FGF13: variants seen among roughly 807,000 people sequenced by gnomAD.
The protein encoded by FGF13 is fibroblast growth factor homologous factor 2.
In FGF13, 2 loss-of-function variants were observed where a neutral mutation model predicts 19.5. The ratio of observed to expected loss-of-function variants is 0.10; its 90% confidence interval spans 0.04 to 0.32. The LOEUF (loss-of-function observed/expected upper bound fraction) is 0.32. Among genes scored for constraint, FGF13 ranks in the 10% least tolerant of loss-of-function variants. FGF13 has a pLI of 1.00. For synonymous variants in FGF13, 72 were observed against 76.9 expected, an observed-to-expected ratio of 0.94 and a Z score of 0.33; for missense variants, 113 against 192.7, an observed-to-expected ratio of 0.59 and a Z score of 2.45.
intron 1 of FGF13, among the ~76,000 whole-genome samples, chrX:139,048,898 C>T (rs1472815106): frequency 1.8e-5 from 2 of 110,939 alleles, no homozygotes; most frequent in African/African-American, 6.6e-5. Flanking sequence ...AAACTAATTT[C>T]TTTTCCATGG....
chrX:139,038,456 T>A (rs2092257583), intron 1 of FGF13, among the ~76,000 whole-genome samples: 1 of 111,398 alleles, frequency 9.0e-6, no homozygotes. Context: ...CTGCCCTCAC[T>A]CCCTTGACTC....
intron 3 of FGF13, among the ~76,000 whole-genome samples, chrX:138,772,866 T>C (rs1314194878): frequency 9.1e-6 from 1 of 110,436 alleles, no homozygotes; most frequent in Non-Finnish European, 1.9e-5. Context: ...TAGCTCCTGA[T>C]AGCAATCTGG....
rs768743121 is a variant in FGF13, at chrX:138,629,419, A to G, written c.*3431T>C. Reference sequence around the variant, plus strand: ...AAATCTCATTTAGAGTTGTAATCCCAATGTGTTGAGGGAGGGACCTGGTGG... The same window carrying G: ...AAATCTCATTTAGAGTTGTAATCCCGATGTGTTGAGGGAGGGACCTGGTGG... On this transcript the variant is annotated 3_prime_UTR_variant, in exon 5 of 5. Coordinates refer to ENST00000315930, the MANE Select transcript of FGF13 (RefSeq NM_004114.5). 2 of 111,612 alleles carry G rather than the reference A, an allele frequency of 1.8e-5. No individual in the cohort carries two copies. The highest frequency in any genetic ancestry group is 3.8e-5 in the Non-Finnish European group (2 of 53,140). The allele number at this position is 111,612 out of a possible 1,213,427, so 9.2% of individuals were successfully genotyped here. A position where few individuals can be genotyped will look rare whatever the true frequency, so the allele number is the denominator to read the frequency against.
At chrX:139,140,225 A>G (rs1478340053) in intron 1 of FGF13, among the ~76,000 whole-genome samples, 1 of 111,324 alleles carries the variant, frequency 9.0e-6, no homozygotes, top group Non-Finnish European at 1.9e-5. Flanking sequence ...AATCAAACCC[A>G]GTTCAAAGTG....
In FGF13 at chrX:138,632,694, A is replaced by G. The variant is rs950656417; in HGVS notation, c.*156T>C. Reference sequence around the variant, plus strand: ...ATAATGGGGCTTTAGTATGGATGATAAGAAGGTCTAATGGCAGATAGAATA... The same window carrying G: ...ATAATGGGGCTTTAGTATGGATGATGAGAAGGTCTAATGGCAGATAGAATA... On this transcript the variant is annotated 3_prime_UTR_variant, in exon 5 of 5. Coordinates refer to ENST00000315930, the MANE Select transcript of FGF13 (RefSeq NM_004114.5). 8.5e-5 allele frequency: 44 copies of G among 517,825 alleles called. No individual in the cohort carries two copies. The highest frequency in any genetic ancestry group is 1.2e-4 in the Non-Finnish European group (40 of 324,465). The allele number at this position is 517,825 out of a possible 1,213,427, so 42.7% of individuals were successfully genotyped here.
In FGF13 at chrX:138,630,680, T is replaced by TG. The variant is rs1338416955; in HGVS notation, c.*2169dup. On this transcript the variant is annotated 3_prime_UTR_variant, in exon 5 of 5. Coordinates refer to ENST00000315930, the MANE Select transcript of FGF13 (RefSeq NM_004114.5). ...CCCCTCCTTGCAAAAGCAGGCTGTT[T>TG]GGGGCCCCAGTAATTTTATTTGCAG... is the stretch of plus-strand genomic sequence containing the variant. 1 of 111,497 alleles carries TG rather than the reference T, an allele frequency of 9.0e-6. No individual in the cohort carries two copies. Among genetic ancestry groups the TG allele is most frequent in the Non-Finnish European group, 1.9e-5 (1 of 53,116 alleles). The allele number at this position is 111,497 out of a possible 1,213,427, so 9.2% of individuals were successfully genotyped here. A position where few individuals can be genotyped will look rare whatever the true frequency, so the allele number is the denominator to read the frequency against.
chrX:139,135,393 T>A (rs776446147), intron 1 of FGF13, among the ~76,000 whole-genome samples: 2 of 112,413 alleles, frequency 1.8e-5, no homozygotes, highest in Non-Finnish European at 3.8e-5. Context: ...CCACAGAAAG[T>A]GAAATGCTGC....
At chrX:138,754,412 C>T (rs1177642809) in intron 3 of FGF13, among the ~76,000 whole-genome samples, 1 of 111,442 alleles carries the variant, frequency 9.0e-6, no homozygotes, top group East Asian at 2.9e-4. Flanking sequence ...CCCTCACCTT[C>T]TCTTGGGCAT....
At chrX:138,981,765 C>G (rs999735045) in intron 1 of FGF13, among the ~76,000 whole-genome samples, 8 of 111,149 alleles carry the variant, frequency 7.2e-5, no homozygotes, top group Non-Finnish European at 1.1e-4. Context: ...TGCCATGAAG[C>G]CCTTCTCATA....
intron 3 of FGF13, among the ~76,000 whole-genome samples, chrX:138,747,678 G>A (rs1369588132): frequency 9.0e-6 from 1 of 111,695 alleles, no homozygotes; most frequent in African/African-American, 3.3e-5. Context: ...AGGACTGACA[G>A]AATCACTCAG....
At chrX:139,168,076 G>T (rs1480132001) in intron 1 of FGF13, among the ~76,000 whole-genome samples, 1 of 111,858 alleles carries the variant, frequency 8.9e-6, no homozygotes, top group Non-Finnish European at 1.9e-5. Context: ...ATAGATGCAT[G>T]CTATTTCATT....
At chrX:138,741,160 C>A (rs1180360662), upstream of FGF13, among the ~76,000 whole-genome samples, 1 of 112,427 alleles carries the variant, frequency 8.9e-6, no homozygotes, top group East Asian at 2.8e-4. Flanking sequence ...TGGAGGCAGT[C>A]TCTCTTGGCC....
intron 3 of FGF13, among the ~76,000 whole-genome samples, chrX:138,849,027 C>T (rs757519145): frequency 2.7e-5 from 3 of 111,445 alleles, no homozygotes; most frequent in Non-Finnish European, 5.7e-5. Context: ...CTTTCTCTAA[C>T]GATAGTAGGT....
At chrX:138,760,233 A>G (rs1205104393) in intron 3 of FGF13, among the ~76,000 whole-genome samples, 1 of 112,154 alleles carries the variant, frequency 8.9e-6, no homozygotes, top group African/African-American at 3.2e-5. Flanking sequence ...AATTCTTTGC[A>G]GTCATCCTAA....
chrX:139,027,457 CTGAGTA>C (rs1395024272), intron 1 of FGF13, among the ~76,000 whole-genome samples: 4 of 112,020 alleles, frequency 3.6e-5, no homozygotes, highest in Admixed American at 9.5e-5. Context: ...ATTTTCTTTC[CTGAGTA>C]TAAGGACTCA....
Position 138,784,033 on chromosome X carries a change from G to A in FGF13, c.217+73479C>T, listed in dbSNP as rs1286736822. On this transcript the variant is annotated intron_variant, in intron 3 of 6. Transcript: ENST00000436198. ...CTTTGTAGGGACATGGATGAAATTG[G>A]AAATCATCATTCTCAGTAAACTATC... Among the ~76,000 whole-genome samples, 24 of 98,976 alleles carry A rather than the reference G, an allele frequency of 2.4e-4. No homozygotes were observed. In the East Asian group the frequency reaches 7.1e-3, roughly 29 times the overall value. The allele number at this position is 98,976 out of a possible 115,157, so 85.9% of individuals were successfully genotyped here. A position where few individuals can be genotyped will look rare whatever the true frequency, so the allele number is the denominator to read the frequency against.
chrX:139,074,143 A>G (rs1218664178), intron 1 of FGF13, among the ~76,000 whole-genome samples: 1 of 112,124 alleles, frequency 8.9e-6, no homozygotes, highest in Non-Finnish European at 1.9e-5. Flanking sequence ...GAGAGGAATA[A>G]CATGTGTGGT....
At chrX:139,144,938 T>C (rs1303264114) in intron 1 of FGF13, among the ~76,000 whole-genome samples, 5 of 112,054 alleles carry the variant, frequency 4.5e-5, no homozygotes, top group Admixed American at 9.5e-5. Flanking sequence ...CATGTTCATA[T>C]AAATAATATA....
At position 138,628,155 on chromosome X, in the gene FGF13, A is replaced by G. The variant is rs1396387283; in HGVS notation, c.*4695T>C. On this transcript the variant is annotated 3_prime_UTR_variant, in exon 5 of 5. Coordinates refer to ENST00000315930, the MANE Select transcript of FGF13 (RefSeq NM_004114.5). The stretch of plus-strand genomic sequence containing the variant: ...TGGAGATAAAGAGCAGTCCAGAATT[A>G]GAGACATGTTCTTTTCAGTATACTA... The G allele has an allele frequency of 1.8e-5, 2 of 111,775 alleles. No individual in the cohort carries two copies. Among genetic ancestry groups the G allele is most frequent in the African/African-American group, 6.5e-5 (2 of 30,723 alleles). The allele number at this position is 111,775 out of a possible 1,213,427, so 9.2% of individuals were successfully genotyped here.
Sources: allele counts gnomAD v4.1 joint callset (sites outside exome capture counted in the v4.1 genomes callset), GRCh38; gene constraint gnomAD v4.1.1; transcripts MANE v1.5; gene names NCBI Gene and HGNC (gene_info 2026-07-23, HGNC 2026-07-21).